ZNF654: variants seen among roughly 807,000 people sequenced by gnomAD.
ZNF654 encodes the protein zinc finger protein 654, also known as melanoma-associated antigen.
Under a neutral mutation model 95.3 loss-of-function variants are expected in ZNF654, and 19 were observed. The ratio of observed to expected loss-of-function variants is 0.20; its 90% CI spans 0.14 to 0.29. The LOEUF (loss-of-function observed/expected upper bound fraction) is 0.29, where lower values mean the gene tolerates loss of function less well. Ranked by LOEUF, ZNF654 falls within the 10% of genes least tolerant of loss-of-function variation. The probability of loss-of-function intolerance (pLI) is 1.00; values close to 1 mark genes in which losing one functional copy is unlikely to be tolerated. For missense variants in ZNF654, 1,046 were observed against 1,341.0 expected (o/e 0.78, Z 3.44); for synonymous variants, 413 against 457.9 (o/e 0.90, Z 1.25).
intron 1 of ZNF654, among the ~76,000 whole-genome samples, chr3:88,079,862 C>T (rs1282821089): frequency 1.3e-5 from 2 of 151,918 alleles, no homozygotes; most frequent in African/African-American, 2.4e-5. Flanking sequence ...CCAGAAATAC[C>T]AGGTTTTAGG....
At position 88,140,926 on chromosome 3, in the gene ZNF654, A is replaced by G; in HGVS notation, c.3257A>G (p.Lys1086Arg). ...TCTGATCAAGATAACGTGTATAAAA[A>G]ATCAGTGAAAAGATTAAGATGTGGC... is the stretch of plus-strand genomic sequence containing the variant. ...ACSDQDNVYK[K>R]SVKRLRCGKC... Residue 1086 changes from lysine (K) to arginine (R), a missense_variant, in exon 8 of 9, where the codon AAA becomes AGA. Transcript: ENST00000636215. 1 of 1,613,610 alleles carries G rather than the reference A, an allele frequency of 6.2e-7. No homozygotes were observed. The highest frequency in any genetic ancestry group is 8.5e-7 in the Non-Finnish European group (1 of 1,179,656).
intron 6 of ZNF654, among the ~76,000 whole-genome samples, chr3:88,133,946 T>C (rs767881332): frequency 1.3e-5 from 2 of 152,062 alleles, no homozygotes; most frequent in Non-Finnish European, 2.9e-5. Flanking sequence ...AGGAAAAGAT[T>C]ATCAGTTTTG....
At chr3:88,117,542 T>A (rs1427507110) in intron 3 of ZNF654, among the ~76,000 whole-genome samples, 1 of 152,082 alleles carries the variant, frequency 6.6e-6, no homozygotes, top group East Asian at 1.9e-4. Context: ...CAAAGTAGTA[T>A]GCCAGGTGAT....
At chr3:88,113,664 A>G (rs552305698) in intron 3 of ZNF654, among the ~76,000 whole-genome samples, 17 of 152,290 alleles carry the variant, frequency 1.1e-4, no homozygotes, top group African/African-American at 3.4e-4. Context: ...AAAAGAGTCA[A>G]GACCTCTCCT....
At chr3:88,114,680 G>A (rs564353728) in intron 3 of ZNF654, among the ~76,000 whole-genome samples, 7 of 152,066 alleles carry the variant, frequency 4.6e-5, no homozygotes, top group Non-Finnish European at 7.4e-5. Flanking sequence ...TATCTTCTAG[G>A]ATAGGTTTCA....
intron 2 of ZNF654, among the ~76,000 whole-genome samples, chr3:88,094,484 T>G (rs1380197787): frequency 6.6e-6 from 1 of 152,066 alleles, no homozygotes; most frequent in Admixed American, 6.6e-5. Context: ...CCACCTACAT[T>G]AGTATTTATA....
chr3:88,121,556 T>G (rs112703704), intron 3 of ZNF654, among the ~76,000 whole-genome samples: 63 of 152,216 alleles, frequency 4.1e-4, no homozygotes, highest in Middle Eastern at 3.4e-3. Flanking sequence ...TAAATATTCC[T>G]CAGGAACCTA....
At chr3:88,082,894 G>C (rs1264948591) in intron 1 of ZNF654, among the ~76,000 whole-genome samples, 2 of 152,180 alleles carry the variant, frequency 1.3e-5, no homozygotes, top group South Asian at 2.1e-4. Flanking sequence ...GGATGCCAGC[G>C]TGGTCATGTT....
At chr3:88,089,538 G>T (rs373487893) in intron 2 of ZNF654, among the ~76,000 whole-genome samples, 1 of 151,818 alleles carries the variant, frequency 6.6e-6, no homozygotes, top group Non-Finnish European at 1.5e-5. Context: ...AGAAAAGCAA[G>T]AACTGGGACT....
intron 2 of ZNF654, among the ~76,000 whole-genome samples, chr3:88,101,339 T>A (rs1477160266): frequency 1.3e-5 from 2 of 152,180 alleles, no homozygotes; most frequent in Non-Finnish European, 2.9e-5. Context: ...ATAGAGTTGC[T>A]ATTTCTAGAC....
At chr3:88,141,211 G>A in intron 8 of ZNF654, 163 bp downstream of exon 8, 1 of 777,678 alleles carries the variant, frequency 1.3e-6, no homozygotes, top group African/African-American at 1.8e-5. Context: ...ACCACTATGA[G>A]GTGATACTAA....
At chr3:88,116,553 CATAT>C (rs1044189533) in intron 3 of ZNF654, among the ~76,000 whole-genome samples, 1 of 59,320 alleles carries the variant, frequency 1.7e-5, no homozygotes, top group Non-Finnish European at 4.1e-5. Context: ...TACATACATA[CATAT>C]ATATACACAC....
In ZNF654 at chr3:88,138,832, T is replaced by C. The variant is rs1209952964; in HGVS notation, c.1163T>C (p.Leu388Ser). ...ATTGCACATTTTTTGCCAAATGATT[T>C]GGAGATCCTCAGGATTTGTGCACTC... is the stretch of plus-strand genomic sequence containing the variant. ...KTIAHFLPND[L>S]EILRICALSI... The change falls in exon 8 of 9, where the codon TTG becomes TCG. Residue 388 changes from leucine to serine, a missense_variant. Transcript: ENST00000636215. 8.1e-7 allele frequency: 1 copy of C among 1,231,934 alleles called. No homozygotes were observed. The highest frequency in any genetic ancestry group is 1.6e-5 in the African/African-American group (1 of 64,402). 76.3% of individuals were successfully genotyped at this position (1,231,934 alleles called of 1,614,324 possible). A position where few individuals can be genotyped will look rare whatever the true frequency, so the allele number is the denominator to read the frequency against.
intron 3 of ZNF654, among the ~76,000 whole-genome samples, chr3:88,124,377 A>G (rs1206867419): frequency 6.6e-6 from 1 of 152,154 alleles, no homozygotes; most frequent in East Asian, 1.9e-4. Context: ...AACTTAGAAG[A>G]TATTTATTTT....
chr3:88,082,851 C>T (rs1708151229), intron 1 of ZNF654, among the ~76,000 whole-genome samples: 1 of 152,178 alleles, frequency 6.6e-6, no homozygotes, highest in African/African-American at 2.4e-5. Context: ...AATTTATTTT[C>T]TCACAGTTCT....
intron 6 of ZNF654, among the ~76,000 whole-genome samples, chr3:88,131,522 C>T (rs1197075821): frequency 2.6e-5 from 4 of 152,126 alleles, no homozygotes; most frequent in Non-Finnish European, 4.4e-5. Flanking sequence ...TACACAAACA[C>T]ACACACAAAC....
At chr3:88,082,395 G>T (rs1388421986) in intron 1 of ZNF654, among the ~76,000 whole-genome samples, 1 of 152,228 alleles carries the variant, frequency 6.6e-6, no homozygotes, top group Non-Finnish European at 1.5e-5. Context: ...AAAGTGTTGG[G>T]ATTACAGGCG....
chr3:88,140,061 G>A lies in ZNF654; in HGVS notation c.2392G>A (p.Asp798Asn), dbSNP rs2107893539. The change falls in exon 8 of 9, where the codon GAT becomes AAT. Residue 798 changes from aspartate (D) to asparagine (N), a missense_variant. Around this residue, in one of 9 missense-constraint regions of ZNF654, gnomAD observed 495 missense variants for 537.0 expected, o/e 0.92. Transcript: ENST00000636215. ...CAAATTTTGTCAAAGGCAATTTGAAGATTCTCAACATTTTATAGACCACCT... is the reference window on the plus strand; with the variant it reads ...CAAATTTTGTCAAAGGCAATTTGAAAATTCTCAACATTTTATAGACCACCT... Reference protein sequence around the residue: ...KCKFCQRQFEDSQHFIDHLNR... With the variant: ...KCKFCQRQFENSQHFIDHLNR... The A allele has an allele frequency of 6.2e-7, 1 of 1,613,754 alleles. No homozygotes were observed. Among genetic ancestry groups the A allele is most frequent in the South Asian group, 1.1e-5 (1 of 91,070 alleles).
At chr3:88,066,353 T>G (rs1286485551) in intron 1 of ZNF654, among the ~76,000 whole-genome samples, 1 of 151,918 alleles carries the variant, frequency 6.6e-6, no homozygotes, top group East Asian at 1.9e-4. Flanking sequence ...GCAGGCAAAT[T>G]GCTTGAGCTC....
Sources: allele counts gnomAD v4.1 joint callset (sites outside exome capture counted in the v4.1 genomes callset), GRCh38; gene constraint gnomAD v4.1.1; regional missense constraint gnomAD v4.1.1; transcripts MANE v1.5; gene names NCBI Gene and HGNC (gene_info 2026-07-23, HGNC 2026-07-21).